Variants in PDZD2 observed in about 807,000 individuals in gnomAD.
The protein encoded by PDZD2 is PDZ domain containing 2.
A neutral mutation model predicts 220.7 loss-of-function variants in PDZD2; 90 were observed. That is an observed-to-expected ratio of 0.41 (90% CI 0.34 to 0.49). The LOEUF (loss-of-function observed/expected upper bound fraction) is 0.49. PDZD2 is among the 20% of genes least tolerant of loss of function. The pLI is 0.28. For synonymous variants in PDZD2, 1,375 were observed against 1,450.5 expected (o/e 0.95, Z 1.18); for missense variants, 3,174 against 3,608.5 (o/e 0.88, Z 3.08).
At chr5:31,908,494 A>G in intron 2 of PDZD2, 1 of 1,038,630 alleles carries the variant, frequency 9.6e-7, no homozygotes, top group Non-Finnish European at 1.4e-6. Context: ...TGACTCGCTC[A>G]TTGGTGGAAA....
intron 1 of PDZD2, among the ~76,000 whole-genome samples, chr5:31,677,166 G>T (rs1289709729): frequency 6.6e-6 from 1 of 152,178 alleles, no homozygotes; most frequent in Non-Finnish European, 1.5e-5. Flanking sequence ...TTGCCAGGAA[G>T]GGTTGCATTA....
chr5:31,730,654 T>C (rs1580642212), intron 1 of PDZD2, among the ~76,000 whole-genome samples: 1 of 151,734 alleles, frequency 6.6e-6, no homozygotes, highest in Non-Finnish European at 1.5e-5. Context: ...GGTGAATAGC[T>C]ACAGAGTCCT....
rs1200208261 is a variant in PDZD2 at position 31,797,018 on chromosome 5, C to T, written c.-360-1871C>T. Reference sequence around the variant, plus strand: ...TCTCGGCTCACTGCAAGCTCCGCTTCCCGGGTTCACGCCATTCTCCTGCCT... The same window carrying T: ...TCTCGGCTCACTGCAAGCTCCGCTTTCCGGGTTCACGCCATTCTCCTGCCT... On this transcript the variant is annotated intron_variant, in intron 1 of 24. Coordinates refer to ENST00000438447, the MANE Select transcript of PDZD2 (RefSeq NM_178140.4). Among the ~76,000 whole-genome samples, 9 of 150,452 alleles carry T rather than the reference C, an allele frequency of 6.0e-5. No individual in the cohort carries two copies. The East Asian group carries it at 1.8e-3, about 30-fold the overall frequency.
chr5:31,759,689 A>G (rs903274239), intron 1 of PDZD2, among the ~76,000 whole-genome samples: 2 of 151,748 alleles, frequency 1.3e-5, no homozygotes, highest in Admixed American at 1.3e-4. Context: ...GGGATTACAG[A>G]TGCATGCCAC....
chr5:32,086,590 G>A (rs999916411), intron 19 of PDZD2, among the ~76,000 whole-genome samples: 6 of 152,200 alleles, frequency 3.9e-5, no homozygotes, highest in African/African-American at 1.4e-4. Context: ...TTTGTTAGAT[G>A]TGGGTACTCT....
intron 2 of PDZD2, among the ~76,000 whole-genome samples, chr5:31,858,396 A>G (rs751578244): frequency 6.6e-6 from 1 of 152,250 alleles, no homozygotes; most frequent in Admixed American, 6.5e-5. Context: ...TAGTACAGCT[A>G]TGATAGTGAA....
intron 1 of PDZD2, among the ~76,000 whole-genome samples, chr5:31,751,236 C>T (rs1750947726): frequency 9.0e-6 from 1 of 111,218 alleles, no homozygotes; most frequent in Non-Finnish European, 2.1e-5. Context: ...AGCGAAAGTA[C>T]ATCTCCAAAA....
chr5:31,668,274 G>A (rs1438987372), intron 1 of PDZD2, among the ~76,000 whole-genome samples: 2 of 152,178 alleles, frequency 1.3e-5, no homozygotes, highest in Non-Finnish European at 2.9e-5. Context: ...AACACAAACA[G>A]CCTTGTGGCC....
intron 1 of PDZD2, among the ~76,000 whole-genome samples, chr5:31,774,092 G>A (rs1752494420): frequency 6.6e-6 from 1 of 152,122 alleles, no homozygotes; most frequent in Non-Finnish European, 1.5e-5. Flanking sequence ...GCCCAGAGCA[G>A]AGGTCCAGAA....
At chr5:32,100,233 A>C (rs1405058010) in intron 23 of PDZD2, 1 of 157,404 alleles carries the variant, frequency 6.4e-6, no homozygotes, top group Admixed American at 6.1e-5. Flanking sequence ...TTATGTCCAA[A>C]GGAGACAATG....
At chr5:31,809,939 GT>G (rs1169512016) in intron 2 of PDZD2, among the ~76,000 whole-genome samples, 3 of 152,180 alleles carry the variant, frequency 2.0e-5, no homozygotes, top group Non-Finnish European at 4.4e-5. Flanking sequence ...CAGCCCCTGG[GT>G]GATTAACTTG....
chr5:31,751,993 T>C (rs35604027), intron 1 of PDZD2, among the ~76,000 whole-genome samples: 1 of 151,800 alleles, frequency 6.6e-6, no homozygotes, highest in Admixed American at 6.6e-5. Context: ...CCTTTGTACA[T>C]ACTCTCCTCA....
chr5:31,936,614 T>G (rs941480296), intron 2 of PDZD2, among the ~76,000 whole-genome samples: 2 of 152,178 alleles, frequency 1.3e-5, no homozygotes, highest in Non-Finnish European at 2.9e-5. Context: ...CTTTTTTAAT[T>G]TAAACTCATT....
At chr5:31,688,169 G>A (rs778054180) in intron 1 of PDZD2, among the ~76,000 whole-genome samples, 9 of 152,108 alleles carry the variant, frequency 5.9e-5, no homozygotes, top group Non-Finnish European at 1.3e-4. Context: ...ACAAGAGTAG[G>A]ATAAATAAAG....
At chr5:31,648,126 G>A (rs1745203364) in intron 1 of PDZD2, among the ~76,000 whole-genome samples, 1 of 152,130 alleles carries the variant, frequency 6.6e-6, no homozygotes, top group Non-Finnish European at 1.5e-5. Context: ...CTTGACCTGG[G>A]ACTCGTCCTT....
At chr5:32,052,397 T>C in intron 8 of PDZD2, 2 of 445,204 alleles carry the variant, frequency 4.5e-6, no homozygotes, top group Non-Finnish European at 8.2e-6. Context: ...CCACCTGCCT[T>C]GGCCTCCCAA....
chr5:31,711,829 C>T (rs1355831909), intron 1 of PDZD2, among the ~76,000 whole-genome samples: 1 of 152,166 alleles, frequency 6.6e-6, no homozygotes, highest in Non-Finnish European at 1.5e-5. Context: ...TAAATCTGAA[C>T]CAGTCACTGG....
At chr5:31,822,380 C>T in intron 2 of PDZD2, among the ~76,000 whole-genome samples, 1 of 150,794 alleles carries the variant, frequency 6.6e-6, no homozygotes, top group Non-Finnish European at 1.5e-5. Context: ...AAGTGATCCT[C>T]CCACCTCAGC....
At chr5:31,671,774 T>C (rs1465233128) in intron 1 of PDZD2, among the ~76,000 whole-genome samples, 2 of 152,180 alleles carry the variant, frequency 1.3e-5, no homozygotes, top group Non-Finnish European at 2.9e-5. Context: ...GGAGAGCTCG[T>C]TCAACACCGA....
Sources: gnomAD v4.1 joint callset for allele counts (sites outside exome capture counted in the v4.1 genomes callset) on GRCh38, gnomAD v4.1.1 for gene constraint, MANE v1.5 for transcripts, NCBI Gene and HGNC (gene_info 2026-07-23, HGNC 2026-07-21) for gene names.